Variants in KLHL17 observed in about 807,000 individuals in gnomAD.
KLHL17 encodes the protein kelch-like protein 17.
A neutral mutation model predicts 64.6 loss-of-function variants in KLHL17; 71 were observed. The ratio of observed to expected loss-of-function variants is 1.10; its 90% CI spans 0.91 to 1.34. The LOEUF (loss-of-function observed/expected upper bound fraction) is 1.34, where lower values mean the gene tolerates loss of function less well. Ranked by LOEUF, KLHL17 falls within the 40% of genes most tolerant of loss-of-function variation. The probability of loss-of-function intolerance (pLI) is 0.00; values close to 1 mark genes in which losing one functional copy is unlikely to be tolerated. For missense variants in KLHL17, 1,140 were observed against 935.0 expected, an observed-to-expected ratio of 1.22 and a Z score of -2.86; for synonymous variants, 612 against 405.4, an observed-to-expected ratio of 1.51 and a Z score of -6.12.
rs1210276332 is a variant in KLHL17, at chr1:961,571, G to A, written c.367+19G>A. 1.2e-6 allele frequency: 2 copies of A among 1,612,682 alleles called. No individual in the cohort carries two copies. Among genetic ancestry groups the A allele is most frequent in the South Asian group, 1.1e-5 (1 of 91,084 alleles). On this transcript the variant is annotated intron_variant, in intron 2 of 11. Transcript: ENST00000338591. ...TTCACAAGCAAGTACCCGCCTGGGCGGCGCTGGGGGCTCCGTGGGTCCCTC... is the reference window on the plus strand; with the variant it reads ...TTCACAAGCAAGTACCCGCCTGGGCAGCGCTGGGGGCTCCGTGGGTCCCTC...
rs7414587 is a variant in KLHL17 at position 964,828 on chromosome 1, G to A, written c.1701-135G>A. 2.1e-3 allele frequency: 1,477 copies of A among 688,166 alleles called. 146 individuals carry two copies. In the African/African-American group the frequency reaches 0.034, roughly 16 times the overall value. The allele number at this position is 688,166 out of a possible 1,614,324, so 42.6% of individuals were successfully genotyped here. A position where few individuals can be genotyped will look rare whatever the true frequency, so the allele number is the denominator to read the frequency against. Reference sequence around the variant, plus strand: ...GCTGCCGGGAGGGGGGCGCGGGTCCGCAGTGGGGATGTGCTGTGAGAAGGG... The same window carrying A: ...GCTGCCGGGAGGGGGGCGCGGGTCCACAGTGGGGATGTGCTGTGAGAAGGG... On this transcript the variant is annotated intron_variant, in intron 11 of 11. Transcript: ENST00000338591.
chr1:960,781 C>T lies in KLHL17; in HGVS notation c.88C>T (p.Pro30Ser). ...GCCCGGGCCCGAGGCGCCGCCGCCT[C>T]CACCGCCGCAGCCGCCGGCGTGAGT... ...PGPGPEAPPP[P>S]PPQPPAPEAE... is the part of the protein sequence containing the mutation. Residue 30 changes from proline to serine, a missense_variant, in exon 1 of 12, where the codon CCA (proline) becomes TCA (serine). Physicochemically the swap from Pro to Ser is moderately conservative, Grantham distance 74 (BLOSUM62 -1). Coordinates refer to ENST00000338591, the MANE Select transcript of KLHL17 (RefSeq NM_198317.3). 6.4e-6 allele frequency: 7 copies of T among 1,100,486 alleles called. No individual in the cohort carries two copies. The highest frequency in any genetic ancestry group is 7.8e-6 in the Non-Finnish European group (7 of 902,448). 68.2% of individuals were successfully genotyped at this position (1,100,486 alleles called of 1,614,324 possible). A position where few individuals can be genotyped will look rare whatever the true frequency, so the allele number is the denominator to read the frequency against.
chr1:965,306 T>C lies in KLHL17; in HGVS notation c.*115T>C, dbSNP rs1259028833. 5.0e-6 allele frequency: 4 copies of C among 797,154 alleles called. No homozygotes were observed. Among genetic ancestry groups the C allele is most frequent in the Admixed American group, 2.9e-5 (1 of 34,108 alleles). The allele number at this position is 797,154 out of a possible 1,614,324, so 49.4% of individuals were successfully genotyped here. A position where few individuals can be genotyped will look rare whatever the true frequency, so the allele number is the denominator to read the frequency against. On this transcript the variant is annotated 3_prime_UTR_variant, in exon 12 of 12. Transcript: ENST00000338591. The stretch of plus-strand genomic sequence containing the variant: ...CTCTGCATCCATTCCTTCATGTCTT[T>C]ATTTAGTTGTTTATTTATTTAGTTA...
At chr1:963,642 A>C in intron 8 of KLHL17, 138 bp downstream of exon 8, 3 of 1,043,956 alleles carry the variant, frequency 2.9e-6, no homozygotes, top group Admixed American at 5.5e-5. Flanking sequence ...GGCCACTGCC[A>C]CACTGGGCCT....
Position 963,380 on chromosome 1 carries a change from C to A in KLHL17, c.1231C>A (p.Pro411Thr). The change falls in exon 8 of 12, where the codon CCC (proline) becomes ACC (threonine). Residue 411 changes from proline to threonine, a missense_variant. Transcript: ENST00000338591. ...SDLATVESYD[P>T]VTNTWQPEVS... ...CCTGGCTACCGTGGAGTCCTACGAC[C>A]CCGTGACTAACACGTGGCAGCCGGA... The A allele has an allele frequency of 6.2e-7, 1 of 1,612,574 alleles. No individual in the cohort carries two copies. The highest frequency in any genetic ancestry group is 8.5e-7 in the Non-Finnish European group (1 of 1,179,816).
chr1:964,484 C>T lies in KLHL17; in HGVS notation c.1654C>T (p.Pro552Ser), dbSNP rs200195814. The T allele has an allele frequency of 5.2e-6, 8 of 1,536,160 alleles. No individual in the cohort carries two copies. The East Asian group carries it at 7.4e-5, about 14-fold the overall frequency. ...SCLNSVERYS[P>S]KAGAWESVAP... ...CCTCAACTCGGTAGAGAGATACAGT[C>T]CAAAGGCTGGAGCCTGGGAAAGCGT... is the stretch of plus-strand genomic sequence containing the variant. The change falls in exon 11 of 12, where the codon CCA becomes TCA. Residue 552 changes from proline to serine, a missense_variant. Pro to Ser is a moderately conservative substitution (Grantham distance 74). Coordinates refer to ENST00000338591, the MANE Select transcript of KLHL17 (RefSeq NM_198317.3).
In KLHL17 at chr1:962,390, G is replaced by T. The variant is rs746097624; in HGVS notation, c.747G>T (p.Val249=). 1.4e-5 allele frequency: 23 copies of T among 1,612,802 alleles called. No individual in the cohort carries two copies. Among genetic ancestry groups the T allele is most frequent in the Non-Finnish European group, 1.9e-5 (23 of 1,179,936 alleles). The change falls in exon 5 of 12, where the codon GTG becomes GTT. Residue 249 remains valine, a synonymous_variant. Coordinates refer to ENST00000338591, the MANE Select transcript of KLHL17 (RefSeq NM_198317.3). ...TGGTCTCTAGCGACAGCCTGAACGT[G>T]CCTTCAGAGGAGGAGGTCTACCGAG... is the stretch of plus-strand genomic sequence containing the variant. The part of the protein sequence containing the change: ...LELVSSDSLN[V]PSEEEVYRAV...
At chr1:962,138 G>A (rs777089358) in intron 4 of KLHL17, 91 bp downstream of exon 4, 1 of 1,255,776 alleles carries the variant, frequency 8.0e-7, no homozygotes, top group Admixed American at 2.4e-5. Context: ...TCCTGACACA[G>A]CCCTGCCCAC....
At chr1:962,144 C>T (rs770925041) in intron 4 of KLHL17, 97 bp downstream of exon 4, 147 of 1,316,376 alleles carry the variant, frequency 1.1e-4, no homozygotes, top group Non-Finnish European at 1.4e-4. Flanking sequence ...CACAGCCCTG[C>T]CCACAATCCT....
At chr1:964,223 C>T (rs770964128) in intron 10 of KLHL17, 43 bp downstream of exon 10, 17 of 1,605,642 alleles carry the variant, frequency 1.1e-5, no homozygotes, top group South Asian at 6.6e-5. Flanking sequence ...CCGTGCGCCG[C>T]GGGGCCCTCC....
At chr1:962,089 C>T (rs760049342) in intron 4 of KLHL17, 42 bp downstream of exon 4, 1 of 1,528,138 alleles carries the variant, frequency 6.5e-7, no homozygotes, top group South Asian at 1.2e-5. Context: ...CACCCCACCC[C>T]ACCCCAGTCT....
In KLHL17 at chr1:964,339, TCGCCCC is replaced by T. The variant is rs1642801564; in HGVS notation, c.1519-8_1519-3del. The T allele has an allele frequency of 6.5e-7, 1 of 1,546,770 alleles. No individual in the cohort carries two copies. Among genetic ancestry groups the T allele is most frequent in the Non-Finnish European group, 8.7e-7 (1 of 1,149,672 alleles). On this transcript the variant is annotated splice_region_variant and splice_polypyrimidine_tract_variant and intron_variant, in intron 10 of 11. Transcript: ENST00000338591. ...GCGGGTCTGCGTCCAGCCCACGCCC[TCGCCCC>T]CAGGTGAACGTGTGGTCGCCCGTGG... is the stretch of plus-strand genomic sequence containing the variant.
In KLHL17 at chr1:965,369, T is replaced by G; in HGVS notation, c.*178T>G. ...ATTGAGGGGTGAGGAGTGCCACGGCTGCCCGTTTACACCTTTAGCGTCTGG... is the reference window on the plus strand; with the variant it reads ...ATTGAGGGGTGAGGAGTGCCACGGCGGCCCGTTTACACCTTTAGCGTCTGG... On this transcript the variant is annotated 3_prime_UTR_variant, in exon 12 of 12. Transcript: ENST00000338591. 1.6e-6 allele frequency: 1 copy of G among 626,864 alleles called. No individual in the cohort carries two copies. The highest frequency in any genetic ancestry group is 2.0e-5 in the South Asian group (1 of 49,272). 38.8% of individuals were successfully genotyped at this position (626,864 alleles called of 1,614,324 possible). A position where few individuals can be genotyped will look rare whatever the true frequency, so the allele number is the denominator to read the frequency against.
At position 962,876 on chromosome 1, in the gene KLHL17, C is replaced by T. The variant is rs1642722971; in HGVS notation, c.1001C>T (p.Pro334Leu). 3.2e-6 allele frequency: 5 copies of T among 1,578,954 alleles called. No individual in the cohort carries two copies. The highest frequency in any genetic ancestry group is 2.2e-5 in the East Asian group (1 of 44,588). Residue 334 changes from proline to leucine, a missense_variant, in exon 6 of 12, where the codon CCC (proline) becomes CTC (leucine). Transcript: ENST00000338591. ...GTCCTAGGCACCAGCCGCACACGTC[C>T]CCGGCGCTGCGAGGGGGCCGGGCCT... Reference protein sequence around the residue: ...RGVLGTSRTRPRRCEGAGPVL... With the variant: ...RGVLGTSRTRLRRCEGAGPVL...
At position 962,244 on chromosome 1, in the gene KLHL17, A is replaced by G. The variant is rs762709035; in HGVS notation, c.712-111A>G. ...CTCCTGACTCTGCTCGGCCCCTCCC[A>G]GTATGAACACTCAGCCCCCACCTGC... On this transcript the variant is annotated intron_variant, in intron 4 of 11. Transcript: ENST00000338591. 785 of 1,549,722 alleles carry G rather than the reference A, an allele frequency of 5.1e-4. 1 individual carries two copies. Among genetic ancestry groups the G allele is most frequent in the Non-Finnish European group, 6.4e-4 (721 of 1,135,268 alleles).
Position 964,386 on chromosome 1 carries a change from G to T in KLHL17, c.1556G>T (p.Arg519Leu), listed in dbSNP as rs184793762. 4.2e-4 allele frequency: 653 copies of T among 1,557,994 alleles called. 2 individuals are homozygous for T. The highest frequency in any genetic ancestry group is 6.6e-5 in the Non-Finnish European group (76 of 1,152,074). The change falls in exon 11 of 12, where the codon CGA becomes CTA. Residue 519 changes from arginine to leucine, a missense_variant. By Grantham distance (102) the Arg-to-Leu change is moderately radical. Transcript: ENST00000338591. Reference protein sequence around the residue: ...VWSPVASMLSRRSSAGVAVLE... With the variant: ...VWSPVASMLSLRSSAGVAVLE... ...TCGCCCGTGGCGTCCATGCTGAGCC[G>T]ACGCAGCTCAGCGGGCGTGGCCGTG... is the stretch of plus-strand genomic sequence containing the variant.
chr1:962,143 G>A, intron 4 of KLHL17, 96 bp downstream of exon 4: 3 of 1,248,096 alleles, frequency 2.4e-6, no homozygotes, highest in Non-Finnish European at 3.3e-6. Context: ...ACACAGCCCT[G>A]CCCACAATCC....
In KLHL17 at chr1:961,646, C is replaced by T. The variant is rs748066618; in HGVS notation, c.385C>T (p.Arg129Cys). 6.2e-7 allele frequency: 1 copy of T among 1,612,754 alleles called. No homozygotes were observed. The highest frequency in any genetic ancestry group is 8.5e-7 in the Non-Finnish European group (1 of 1,179,874). ...AMFTNEMSES[R>C]QTHVTLHDID... is the part of the protein sequence containing the mutation. ...CCCCGCAGATGAGATGAGCGAGAGC[C>T]GCCAGACCCACGTGACGCTGCACGA... is the stretch of plus-strand genomic sequence containing the variant. Residue 129 changes from arginine (R) to cysteine (C), a missense_variant, in exon 3 of 12, where the codon CGC becomes TGC. Physicochemically the swap from Arg to Cys is radical, Grantham distance 180 (BLOSUM62 -3). Transcript: ENST00000338591.
rs1226872988 is a variant in KLHL17, at chr1:964,861, C to T, written c.1701-102C>T. ...GATGTGCTGTGAGAAGGGAGTTCTC[C>T]CAACCTCAGCGAGCATGTCCCGCCA... On this transcript the variant is annotated intron_variant, in intron 11 of 11. Transcript: ENST00000338591. 9 of 994,478 alleles carry T rather than the reference C, an allele frequency of 9.0e-6. 2 individuals carry two copies. The highest frequency in any genetic ancestry group is 1.3e-5 in the Non-Finnish European group (9 of 669,652). 61.6% of individuals were successfully genotyped at this position (994,478 alleles called of 1,614,324 possible).
Sources: allele counts gnomAD v4.1 joint callset, GRCh38; gene constraint gnomAD v4.1.1; transcripts MANE v1.5; gene names NCBI Gene and HGNC (gene_info 2026-07-23, HGNC 2026-07-21).